The following SYN3 variants were observed in gnomAD, a reference collection of about 807,000 sequenced individuals.
The protein encoded by SYN3 is synapsin-3.
Under a neutral mutation model 65.8 loss-of-function variants are expected in SYN3, and 35 were observed. The observed-to-expected ratio is 0.53, with a 90% CI of 0.41 to 0.70. SYN3 has a LOEUF of 0.70. Ranked by LOEUF, SYN3 falls within the 30% of genes least tolerant of loss-of-function variation. The probability of loss-of-function intolerance (pLI) is 0.00; values close to 1 mark genes in which losing one functional copy is unlikely to be tolerated. For synonymous variants in SYN3, 270 were observed against 292.9 expected, an observed-to-expected ratio of 0.92 and a Z score of 0.80; for missense variants, 680 against 749.0, an observed-to-expected ratio of 0.91 and a Z score of 1.08.
chr22:32,789,856 A>G (rs1426222718), intron 6 of SYN3, among the ~76,000 whole-genome samples: 1 of 152,204 alleles, frequency 6.6e-6, no homozygotes, highest in Non-Finnish European at 1.5e-5. Context: ...GTCATCTCTG[A>G]TGGGTGCTCC....
intron 4 of SYN3, among the ~76,000 whole-genome samples, chr22:32,880,750 T>C (rs1405365334): frequency 6.6e-6 from 1 of 152,012 alleles, no homozygotes; most frequent in Non-Finnish European, 1.5e-5. Context: ...AAACCTGGAG[T>C]AGTTAATATG....
intron 6 of SYN3, among the ~76,000 whole-genome samples, chr22:32,747,542 A>G (rs2157133): frequency 0.73 from 110,630 of 152,016 alleles, 40,747 homozygotes; most frequent in African/African-American, 0.81. Flanking sequence ...CTATAAGACA[A>G]GTTCTATTAC....
chr22:32,552,915 C>G (rs912752153), intron 7 of SYN3, among the ~76,000 whole-genome samples: 4 of 152,222 alleles, frequency 2.6e-5, no homozygotes, highest in Admixed American at 1.3e-4. Context: ...GCTTAAACAG[C>G]AGACATTTAT....
At chr22:32,644,153 T>C (rs2146906078) in intron 6 of SYN3, among the ~76,000 whole-genome samples, 1 of 138,424 alleles carries the variant, frequency 7.2e-6, no homozygotes, top group South Asian at 2.3e-4. Flanking sequence ...GGGAGGGAGA[T>C]GGGAGACAGA....
chr22:32,700,073 C>A (rs1218857519), intron 6 of SYN3, among the ~76,000 whole-genome samples: 1 of 152,142 alleles, frequency 6.6e-6, no homozygotes, highest in Non-Finnish European at 1.5e-5. Context: ...TTCCAACAAT[C>A]GAAAATTTCT....
chr22:33,001,484 G>T (rs942276468), intron 2 of SYN3, among the ~76,000 whole-genome samples: 2 of 152,208 alleles, frequency 1.3e-5, no homozygotes, highest in Admixed American at 6.5e-5. Context: ...ACAGGGAAGA[G>T]TGACCAACGG....
At chr22:32,842,321 G>T (rs2146203047) in intron 6 of SYN3, among the ~76,000 whole-genome samples, 1 of 152,224 alleles carries the variant, frequency 6.6e-6, no homozygotes, top group African/African-American at 2.4e-5. Context: ...GGGAATCAGA[G>T]GGACCCAGTC....
chr22:32,542,252 G>T (rs976723895), intron 7 of SYN3, among the ~76,000 whole-genome samples: 10 of 152,138 alleles, frequency 6.6e-5, no homozygotes, highest in African/African-American at 2.4e-4. Context: ...AGGATGGAAT[G>T]GATGGGTGTG....
At chr22:32,951,285 T>G (rs60135459) in intron 3 of SYN3, among the ~76,000 whole-genome samples, 1,846 of 152,038 alleles carry the variant, frequency 0.012, 52 homozygotes, top group African/African-American at 0.042. Flanking sequence ...AGGGCTTCCC[T>G]GAGCCAGCAG....
Position 32,508,062 on chromosome 22 carries a change from A to G in SYN3, c.*5630T>C, listed in dbSNP as rs535958378. 1.8e-3 allele frequency among the ~76,000 whole-genome samples: 278 copies of G among 152,332 alleles called. 2 individuals carry two copies. Among genetic ancestry groups the G allele is most frequent in the Admixed American group, 3.5e-3 (53 of 15,310 alleles). On this transcript the variant is annotated 3_prime_UTR_variant, in exon 14 of 14. Coordinates refer to ENST00000358763, the MANE Select transcript of SYN3 (RefSeq NM_003490.4). The stretch of plus-strand genomic sequence containing the variant: ...TTTTATTTTTCTTATTAATATAAGA[A>G]GGCAGGAATGTCAGGCCTCTGAGCC...
chr22:32,651,816 C>T (rs995335346), intron 6 of SYN3, among the ~76,000 whole-genome samples: 1 of 152,192 alleles, frequency 6.6e-6, no homozygotes, highest in Non-Finnish European at 1.5e-5. Context: ...CTGCCCTTTC[C>T]TCCTCCTCAC....
intron 6 of SYN3, among the ~76,000 whole-genome samples, chr22:32,710,075 G>GCA (rs55879257): frequency 0.027 from 3,510 of 131,308 alleles, 61 homozygotes; most frequent in African/African-American, 0.043. Flanking sequence ...ATATATATAT[G>GCA]CACACACACA....
chr22:32,736,942 G>T (rs1024662219), intron 6 of SYN3, among the ~76,000 whole-genome samples: 2 of 152,030 alleles, frequency 1.3e-5, no homozygotes, highest in African/African-American at 4.8e-5. Context: ...CCAGCTCAGG[G>T]CCAGGCATAC....
intron 4 of SYN3, among the ~76,000 whole-genome samples, chr22:32,910,084 T>C (rs189652573): frequency 1.3e-5 from 2 of 152,162 alleles, no homozygotes; most frequent in African/African-American, 2.4e-5. Context: ...AATCAGGAAA[T>C]AGCTCTGCCC....
intron 1 of SYN3, among the ~76,000 whole-genome samples, chr22:33,055,871 T>G (rs927757109): frequency 6.6e-6 from 1 of 152,220 alleles, no homozygotes; most frequent in East Asian, 1.9e-4. Flanking sequence ...TCACCTAGGA[T>G]AGCGCCTACT....
intron 4 of SYN3, among the ~76,000 whole-genome samples, chr22:32,894,258 T>C (rs1314342478): frequency 6.6e-6 from 1 of 152,226 alleles, no homozygotes; most frequent in African/African-American, 2.4e-5. Context: ...TGTCCTTCTC[T>C]TTTACATATT....
chr22:32,868,922 A>C (rs758396449), intron 5 of SYN3, 44 bp downstream of exon 5: 2 of 1,582,504 alleles, frequency 1.3e-6, no homozygotes, highest in East Asian at 4.6e-5. Flanking sequence ...GAGGCCACCC[A>C]CTGCCTCCCA....
At chr22:32,816,735 G>A (rs115126469) in intron 6 of SYN3, among the ~76,000 whole-genome samples, 34 of 152,212 alleles carry the variant, frequency 2.2e-4, no homozygotes, top group African/African-American at 8.0e-4. Context: ...CAAGCTCCTG[G>A]GTCCTTCCTG....
intron 6 of SYN3, among the ~76,000 whole-genome samples, chr22:32,672,594 C>T (rs2147072185): frequency 6.6e-6 from 1 of 152,356 alleles, no homozygotes; most frequent in East Asian, 1.9e-4. Context: ...GATCTCTCCA[C>T]AGGCTGCTAT....
Sources: gnomAD v4.1 joint callset for allele counts (sites outside exome capture counted in the v4.1 genomes callset) on GRCh38, gnomAD v4.1.1 for gene constraint, MANE v1.5 for transcripts, NCBI Gene and HGNC (gene_info 2026-07-23, HGNC 2026-07-21) for gene names.